Variants in MARCHF1 observed in about 807,000 individuals in gnomAD.
MARCHF1 encodes E3 ubiquitin-protein ligase MARCHF1.
Under a neutral mutation model 54.2 loss-of-function variants are expected in MARCHF1, and 40 were observed. That is an observed-to-expected ratio of 0.74 (90% CI 0.57 to 0.96). The LOEUF (loss-of-function observed/expected upper bound fraction) is 0.96. Among genes scored for constraint, MARCHF1 ranks in the 40% least tolerant of loss-of-function variants. The probability of loss-of-function intolerance (pLI) is 0.00; values close to 1 mark genes in which losing one functional copy is unlikely to be tolerated. For synonymous variants in MARCHF1, 236 were observed against 236.3 expected (o/e 1.00, Z 0.01); for missense variants, 586 against 656.5 (o/e 0.89, Z 1.17).
chr4:163,973,837 G>A (rs530583748), intron 3 of MARCHF1, among the ~76,000 whole-genome samples: 1 of 152,326 alleles, frequency 6.6e-6, no homozygotes, highest in South Asian at 2.1e-4. Context: ...CTTGGCTCTG[G>A]TTGGCAGAAA....
At chr4:163,945,384 C>T (rs562906168) in intron 3 of MARCHF1, among the ~76,000 whole-genome samples, 3 of 152,264 alleles carry the variant, frequency 2.0e-5, no homozygotes, top group Admixed American at 1.3e-4. Context: ...AAGCATGTAT[C>T]TTCATAGCTG....
intron 1 of MARCHF1, among the ~76,000 whole-genome samples, chr4:164,371,498 T>C (rs1236736899): frequency 6.6e-6 from 1 of 152,038 alleles, no homozygotes; most frequent in Non-Finnish European, 1.5e-5. Context: ...TGCATGTAAA[T>C]GACAAAAAGT....
chr4:163,655,887 T>C (rs549234195), intron 5 of MARCHF1, among the ~76,000 whole-genome samples: 76 of 152,052 alleles, frequency 5.0e-4, no homozygotes, highest in Non-Finnish European at 9.1e-4. Flanking sequence ...TGCCAGGATC[T>C]CTGGAATGCA....
intron 4 of MARCHF1, among the ~76,000 whole-genome samples, chr4:163,838,634 G>A (rs895310208): frequency 3.9e-5 from 6 of 151,966 alleles, no homozygotes; most frequent in Admixed American, 1.3e-4. Flanking sequence ...AATGTACAAG[G>A]GCCAAGATAA....
chr4:163,692,072 G>A (rs183900366), intron 5 of MARCHF1, among the ~76,000 whole-genome samples: 74 of 152,322 alleles, frequency 4.9e-4, no homozygotes, highest in Middle Eastern at 3.4e-3. Flanking sequence ...TTGGTCACAT[G>A]TTCACGGACT....
intron 1 of MARCHF1, among the ~76,000 whole-genome samples, chr4:164,191,786 A>G (rs1731129980): frequency 1.3e-5 from 2 of 152,182 alleles, no homozygotes; most frequent in Non-Finnish European, 2.9e-5. Flanking sequence ...TTTCTTTGAA[A>G]TCTCTACAAT....
At chr4:164,149,157 C>G (rs1729859367) in intron 1 of MARCHF1, among the ~76,000 whole-genome samples, 2 of 152,284 alleles carry the variant, frequency 1.3e-5, no homozygotes, top group South Asian at 4.1e-4. Flanking sequence ...TTGCCTTTTG[C>G]AATGACCATA....
intron 2 of MARCHF1, among the ~76,000 whole-genome samples, chr4:164,003,436 C>G (rs995936796): frequency 6.6e-6 from 1 of 151,616 alleles, no homozygotes; most frequent in Non-Finnish European, 1.5e-5. Flanking sequence ...CAGTAGTCAA[C>G]GAAAAAGTAC....
intron 4 of MARCHF1, among the ~76,000 whole-genome samples, chr4:163,780,520 G>A (rs770786462): frequency 4.6e-5 from 7 of 152,088 alleles, no homozygotes; most frequent in Non-Finnish European, 1.0e-4. Context: ...GAGACATTCC[G>A]GGCTTGTCAA....
chr4:163,948,879 G>C (rs566634142), intron 3 of MARCHF1, among the ~76,000 whole-genome samples: 1 of 152,294 alleles, frequency 6.6e-6, no homozygotes, highest in East Asian at 1.9e-4. Context: ...CAAGTTGAAG[G>C]GTGAGAAAGC....
intron 1 of MARCHF1, among the ~76,000 whole-genome samples, chr4:164,336,844 A>G (rs1729754885): frequency 6.6e-6 from 1 of 152,228 alleles, no homozygotes; most frequent in Non-Finnish European, 1.5e-5. Flanking sequence ...CAAGTTAGCA[A>G]CAAATTTATA....
At chr4:163,902,010 G>A (rs1750952767) in intron 3 of MARCHF1, among the ~76,000 whole-genome samples, 2 of 152,146 alleles carry the variant, frequency 1.3e-5, no homozygotes, top group African/African-American at 4.8e-5. Context: ...ACAAGAAAAC[G>A]GTGCCTGTGA....
At chr4:163,790,766 T>G (rs1017685309) in intron 4 of MARCHF1, among the ~76,000 whole-genome samples, 1 of 152,008 alleles carries the variant, frequency 6.6e-6, no homozygotes, top group African/African-American at 2.4e-5. Context: ...ATAAGTGGAA[T>G]GAGAAGTACG....
At position 164,304,225 on chromosome 4, in the gene MARCHF1, T is replaced by C. The variant is rs1734638547; in HGVS notation, c.-323+79645A>G. Among the ~76,000 whole-genome samples, 4 of 152,312 alleles carry C rather than the reference T, an allele frequency of 2.6e-5. No individual in the cohort carries two copies. The South Asian group carries it at 8.3e-4, about 32-fold the overall frequency. On this transcript the variant is annotated intron_variant, in intron 1 of 9. Transcript: ENST00000514618. ...GGAGAAAAACAAGTATATATGTCCC[T>C]GAAGATAATCCATGAACACAGAACA...
intron 1 of MARCHF1, among the ~76,000 whole-genome samples, chr4:164,145,880 T>C (rs1234178751): frequency 9.1e-6 from 1 of 110,218 alleles, no homozygotes; most frequent in Non-Finnish European, 1.9e-5. Context: ...GGAAGTCAAA[T>C]TGTCCCTGTT....
intron 7 of MARCHF1, among the ~76,000 whole-genome samples, chr4:163,595,572 G>A (rs981000150): frequency 6.6e-6 from 1 of 152,106 alleles, no homozygotes; most frequent in Non-Finnish European, 1.5e-5. Flanking sequence ...AATAAAGAAG[G>A]AAATACTGCC....
intron 1 of MARCHF1, among the ~76,000 whole-genome samples, chr4:164,196,391 CATT>C (rs966484929): frequency 5.3e-5 from 8 of 152,032 alleles, no homozygotes; most frequent in African/African-American, 1.7e-4. Flanking sequence ...GCTTATAAAT[CATT>C]GTTTTAATAA....
At chr4:163,954,238 T>C (rs974127883) in intron 3 of MARCHF1, among the ~76,000 whole-genome samples, 4 of 152,198 alleles carry the variant, frequency 2.6e-5, no homozygotes, top group African/African-American at 9.6e-5. Flanking sequence ...TAAGAGAGCA[T>C]GACTAATTCC....
chr4:163,701,417 C>G (rs1744806627), intron 4 of MARCHF1, among the ~76,000 whole-genome samples: 1 of 151,940 alleles, frequency 6.6e-6, no homozygotes, highest in Non-Finnish European at 1.5e-5. Flanking sequence ...AAACTTAAAA[C>G]TTTTATAAAT....
Sources: allele counts gnomAD v4.1 joint callset (sites outside exome capture counted in the v4.1 genomes callset), GRCh38; gene constraint gnomAD v4.1.1; transcripts MANE v1.5; gene names NCBI Gene and HGNC (gene_info 2026-07-23, HGNC 2026-07-21).